MAGI2: variants seen among roughly 807,000 people sequenced by gnomAD.
The protein encoded by MAGI2 is membrane associated guanylate kinase, WW and PDZ domain containing 2.
A neutral mutation model predicts 133.3 loss-of-function variants in MAGI2; 35 were observed. The ratio of observed to expected loss-of-function variants is 0.26; its 90% confidence interval spans 0.20 to 0.35. The LOEUF (loss-of-function observed/expected upper bound fraction) is 0.35, where lower values mean the gene tolerates loss of function less well. Among genes scored for constraint, MAGI2 ranks in the 10% least tolerant of loss-of-function variants. MAGI2 has a pLI of 1.00. For synonymous variants in MAGI2, 729 were observed against 710.6 expected (o/e 1.03, Z -0.41); for missense variants, 1,636 against 1,863.4 (o/e 0.88, Z 2.25).
At chr7:78,655,777 C>G (rs189244872) in intron 2 of MAGI2, among the ~76,000 whole-genome samples, 6 of 151,816 alleles carry the variant, frequency 4.0e-5, no homozygotes, top group Non-Finnish European at 1.5e-5. Flanking sequence ...GTCAGGAGAT[C>G]GAGACCATCC....
intron 10 of MAGI2, among the ~76,000 whole-genome samples, chr7:78,238,207 A>G (rs1455953672): frequency 2.0e-5 from 3 of 151,906 alleles, no homozygotes; most frequent in African/African-American, 7.3e-5. Context: ...CTCATTTCCT[A>G]GATGTTCTTA....
chr7:79,022,776 C>T (rs1018341575), intron 1 of MAGI2, among the ~76,000 whole-genome samples: 9 of 151,410 alleles, frequency 5.9e-5, no homozygotes, highest in African/African-American at 2.2e-4. Flanking sequence ...ATTCTGAAAA[C>T]ATACACCATC....
intron 21 of MAGI2, among the ~76,000 whole-genome samples, chr7:78,069,321 C>T (rs540111678): frequency 1.3e-5 from 2 of 152,250 alleles, no homozygotes; most frequent in Admixed American, 1.3e-4. Context: ...TCCCTGAAAT[C>T]CCTGGAATGA....
chr7:78,112,200 T>C (rs987615569), intron 20 of MAGI2, among the ~76,000 whole-genome samples: 1 of 152,222 alleles, frequency 6.6e-6, no homozygotes, highest in Non-Finnish European at 1.5e-5. Flanking sequence ...AGCACACCTG[T>C]TTTGTAACTT....
chr7:79,068,439 T>G (rs1229407577), intron 1 of MAGI2, among the ~76,000 whole-genome samples: 5 of 152,176 alleles, frequency 3.3e-5, no homozygotes, highest in Non-Finnish European at 5.9e-5. Context: ...AGTGGTGATA[T>G]CCCCTTTACC....
chr7:78,195,200 GA>G, intron 11 of MAGI2, 137 bp from the exon 12 acceptor site: 3 of 609,918 alleles, frequency 4.9e-6, no homozygotes, highest in Non-Finnish European at 8.2e-6. Context: ...TAAATTCCTT[GA>G]AAGAAAAGAT....
intron 1 of MAGI2, among the ~76,000 whole-genome samples, chr7:79,325,808 TAGGA>T (rs1251003904): frequency 6.6e-6 from 1 of 152,156 alleles, no homozygotes; most frequent in Non-Finnish European, 1.5e-5. Context: ...GCAACATTCA[TAGGA>T]AGGCATTATT....
At chr7:78,874,015 C>T (rs1457649116) in intron 2 of MAGI2, among the ~76,000 whole-genome samples, 1 of 152,128 alleles carries the variant, frequency 6.6e-6, no homozygotes, top group African/African-American at 2.4e-5. Flanking sequence ...CACGAGGTGG[C>T]TGTTGATAAA....
chr7:79,100,471 TAATGTACATTATATAATATATAA>T (rs1182380788), intron 1 of MAGI2, among the ~76,000 whole-genome samples: 1 of 151,652 alleles, frequency 6.6e-6, no homozygotes, highest in African/African-American at 2.4e-5. Context: ...TCAATCAGGT[TAATGTACATTATATAATATATAA>T]ATATAATTTT....
intron 20 of MAGI2, among the ~76,000 whole-genome samples, chr7:78,108,665 T>TGA (rs1818954753): frequency 3.7e-5 from 5 of 133,652 alleles, no homozygotes; most frequent in African/African-American, 5.1e-5. Context: ...TGTGTGTGTG[T>TGA]GTGTATACAC....
intron 1 of MAGI2, among the ~76,000 whole-genome samples, chr7:79,221,308 C>A (rs1830429888): frequency 6.6e-6 from 1 of 152,078 alleles, no homozygotes; most frequent in African/African-American, 2.4e-5. Flanking sequence ...TCTACAACCA[C>A]ATCCAGGAAG....
At chr7:78,034,254 A>G (rs1449812020) in intron 21 of MAGI2, among the ~76,000 whole-genome samples, 1 of 152,148 alleles carries the variant, frequency 6.6e-6, no homozygotes, top group African/African-American at 2.4e-5. Context: ...TTCAAATGTG[A>G]TGATTAGAAA....
At chr7:78,238,789 T>A (rs999137367) in intron 10 of MAGI2, among the ~76,000 whole-genome samples, 5 of 152,170 alleles carry the variant, frequency 3.3e-5, no homozygotes, top group African/African-American at 1.2e-4. Flanking sequence ...AAAAATGTTA[T>A]GTCCTATCAC....
At chr7:78,433,831 T>C (rs1336896268) in intron 6 of MAGI2, among the ~76,000 whole-genome samples, 3 of 152,136 alleles carry the variant, frequency 2.0e-5, no homozygotes, top group Admixed American at 6.6e-5. Context: ...TCTATGCACA[T>C]ATAGTCCAAC....
intron 20 of MAGI2, among the ~76,000 whole-genome samples, 176 bp from the exon 21 acceptor site, chr7:78,079,261 A>G (rs557108065): frequency 1.3e-5 from 2 of 152,370 alleles, no homozygotes; most frequent in East Asian, 3.9e-4. Context: ...TGATCACCAA[A>G]TTTTATTTAC....
chr7:78,913,643 T>C (rs1798579945), intron 2 of MAGI2, among the ~76,000 whole-genome samples: 1 of 152,212 alleles, frequency 6.6e-6, no homozygotes, highest in Non-Finnish European at 1.5e-5. Context: ...AAAGACTCTG[T>C]TTATTCTTTC....
At chr7:79,055,285 CT>C (rs11421346) in intron 1 of MAGI2, among the ~76,000 whole-genome samples, 40 of 148,342 alleles carry the variant, frequency 2.7e-4, no homozygotes, top group Non-Finnish European at 3.6e-4. Flanking sequence ...AAGGGCATGC[CT>C]TTTTTTTTTT....
intron 6 of MAGI2, among the ~76,000 whole-genome samples, chr7:78,450,950 G>C (rs927236295): frequency 9.2e-5 from 14 of 151,888 alleles, no homozygotes; most frequent in Admixed American, 4.6e-4. Flanking sequence ...TTGTAATAGC[G>C]ATATGATTTT....
chr7:78,378,955 G>GT (rs1215791046), intron 6 of MAGI2, among the ~76,000 whole-genome samples: 4 of 152,036 alleles, frequency 2.6e-5, no homozygotes, highest in African/African-American at 9.7e-5. Flanking sequence ...TAGGCAACAG[G>GT]TGAGAGTCAA....
Sources: allele counts gnomAD v4.1 joint callset (sites outside exome capture counted in the v4.1 genomes callset), GRCh38; gene constraint gnomAD v4.1.1; transcripts MANE v1.5; gene names NCBI Gene and HGNC (gene_info 2026-07-23, HGNC 2026-07-21).